TBX4: variants seen among roughly 807,000 people sequenced by gnomAD.
TBX4 encodes T-box transcription factor TBX4.
A neutral mutation model predicts 54.6 loss-of-function variants in TBX4; 13 were observed. The observed-to-expected ratio is 0.24, with a 90% CI of 0.15 to 0.38. The LOEUF (loss-of-function observed/expected upper bound fraction) is 0.38, where lower values mean the gene tolerates loss of function less well. Among genes scored for constraint, TBX4 ranks in the 10% least tolerant of loss-of-function variants. The pLI, the probability that TBX4 is intolerant of heterozygous loss-of-function variation, is 1.00. For missense variants in TBX4, 631 were observed against 728.5 expected, an observed-to-expected ratio of 0.87 and a Z score of 1.54; for synonymous variants, 314 against 306.7, an observed-to-expected ratio of 1.02 and a Z score of -0.25.
Position 61,478,255 on chromosome 17 carries a change from G to A in TBX4, c.550-372G>A, listed in dbSNP as rs2060636641. ...GTCTGAGATCAAACAGTGACTCGGT[G>A]GCACCCTGGACTTTTGCTGACAGCT... On this transcript the variant is annotated intron_variant, in intron 5 of 8. Transcript: ENST00000644296. This position sits in a 1 kb window ranked among gnomAD's most constrained non-coding sequence, Gnocchi z 7.4. 2 of 324,166 alleles carry A rather than the reference G, an allele frequency of 6.2e-6. No homozygotes were observed. The highest frequency in any genetic ancestry group is 4.3e-5 in the African/African-American group (2 of 47,006). The allele number at this position is 324,166 out of a possible 1,614,324, so 20.1% of individuals were successfully genotyped here. A position where few individuals can be genotyped will look rare whatever the true frequency, so the allele number is the denominator to read the frequency against.
In TBX4 at chr17:61,465,688, C is replaced by T. The variant is rs995329733; in HGVS notation, c.282-131C>T. ...GAAGTGAGTTGTGCAGGTCACACAGCTGTGACCAATGCCAGGATCGCTGGC... is the reference window on the plus strand; with the variant it reads ...GAAGTGAGTTGTGCAGGTCACACAGTTGTGACCAATGCCAGGATCGCTGGC... On this transcript the variant is annotated intron_variant, in intron 3 of 8. Coordinates refer to ENST00000644296, the MANE Select transcript of TBX4 (RefSeq NM_001321120.2). This position sits in a 1 kb window ranked among gnomAD's most constrained non-coding sequence, Gnocchi z 4.9. The T allele has an allele frequency of 1.6e-5, 19 of 1,208,320 alleles. No individual in the cohort carries two copies. The highest frequency in any genetic ancestry group is 1.6e-5 in the Non-Finnish European group (13 of 829,050). The allele number at this position is 1,208,320 out of a possible 1,614,324, so 74.8% of individuals were successfully genotyped here.
intron 3 of TBX4, among the ~76,000 whole-genome samples, chr17:61,458,959 T>C (rs967104759): frequency 6.6e-6 from 1 of 152,252 alleles, no homozygotes; most frequent in Admixed American, 6.5e-5. Flanking sequence ...GCAGGCCTTA[T>C]AAAGTTTCCT....
intron 4 of TBX4, 48 bp from the exon 5 acceptor site, chr17:61,467,462 T>C: frequency 6.2e-7 from 1 of 1,613,798 alleles, no homozygotes; most frequent in Non-Finnish European, 8.5e-7. Flanking sequence ...GAATCTGGCC[T>C]CACCAGCCCC....
chr17:61,478,660 C>A lies in TBX4; in HGVS notation c.583C>A (p.Arg195=), dbSNP rs1207464008. 2 of 1,614,186 alleles carry A rather than the reference C, an allele frequency of 1.2e-6. No individual in the cohort carries two copies. Among genetic ancestry groups the A allele is most frequent in the Non-Finnish European group, 1.7e-6 (2 of 1,180,028 alleles). The change falls in exon 6 of 9, where the codon CGG becomes AGG. Residue 195 remains arginine (R), a synonymous_variant. Transcript: ENST00000644296. The surrounding 1 kb of genome is among the most constrained non-coding windows in gnomAD (Gnocchi z 7.4). Reference sequence around the variant, plus strand: ...CAACTCTATGCACAAGTACCAGCCGCGGCTCCACATCGTTAAGGCTGATGA... The same window carrying A: ...CAACTCTATGCACAAGTACCAGCCGAGGCTCCACATCGTTAAGGCTGATGA... ...ILNSMHKYQP[R]LHIVKADENN...
Position 61,475,999 on chromosome 17 carries a change from G to A in TBX4, c.550-2628G>A, listed in dbSNP as rs1020145393. ...GCAAAGACCAGAGAGGAGGGGACTT[G>A]CCCACGTTCCCACGGAGGGTTTGTG... On this transcript the variant is annotated intron_variant, in intron 5 of 8. Transcript: ENST00000644296. This position sits in a 1 kb window ranked among gnomAD's most constrained non-coding sequence, Gnocchi z 5.0. 6.6e-6 allele frequency among the ~76,000 whole-genome samples: 1 copy of A among 152,120 alleles called. No individual in the cohort carries two copies. The highest frequency in any genetic ancestry group is 2.4e-5 in the African/African-American group (1 of 41,424).
At position 61,481,076 on chromosome 17, in the gene TBX4, G is replaced by A. The variant is rs143221808; in HGVS notation, c.1021+757G>A. 2.6e-3 allele frequency among the ~76,000 whole-genome samples: 393 copies of A among 152,226 alleles called. 5 individuals are homozygous for A. The highest frequency in any genetic ancestry group is 8.7e-3 in the African/African-American group (360 of 41,526). On this transcript the variant is annotated intron_variant, in intron 8 of 8. Coordinates refer to ENST00000644296, the MANE Select transcript of TBX4 (RefSeq NM_001321120.2). This position sits in a 1 kb window ranked among gnomAD's most constrained non-coding sequence, Gnocchi z 4.8. ...ATGTTCCCTCAGCCCTGGTCCTAGG[G>A]ACTAGCCCAGCAGAGCTCCGAGATC...
chr17:61,478,776 C>T lies in TBX4; in HGVS notation c.699C>T (p.His233=), dbSNP rs758160320. The change falls in exon 6 of 9, where the codon CAC becomes CAT. Residue 233 remains histidine, a synonymous_variant. Coordinates refer to ENST00000644296, the MANE Select transcript of TBX4 (RefSeq NM_001321120.2). The surrounding 1 kb of genome is among the most constrained non-coding windows in gnomAD (Gnocchi z 7.4). Reference sequence around the variant, plus strand: ...TCTCTGTGACCTCCTACCAGAATCACAAGGTACAGCCACTGCCCCACTGCC... The same window carrying T: ...TCTCTGTGACCTCCTACCAGAATCATAAGGTACAGCCACTGCCCCACTGCC... ...SFISVTSYQN[H]KITQLKIENN... The T allele has an allele frequency of 8.7e-6, 14 of 1,614,076 alleles. No homozygotes were observed. The highest frequency in any genetic ancestry group is 1.2e-5 in the Non-Finnish European group (14 of 1,180,030).
At position 61,483,712 on chromosome 17, in the gene TBX4, T is replaced by C. The variant is rs2060684451; in HGVS notation, c.*196T>C. The stretch of plus-strand genomic sequence containing the variant: ...ATCTTCTGACATACAACTGAGGTCA[T>C]GACAAGGAAAAAAAACACCACATTT... On this transcript the variant is annotated 3_prime_UTR_variant, in exon 9 of 9. Transcript: ENST00000644296. The surrounding 1 kb of genome is among the most constrained non-coding windows in gnomAD (Gnocchi z 6.6). The C allele has an allele frequency of 1.4e-6, 1 of 723,662 alleles. No homozygotes were observed. Among genetic ancestry groups the C allele is most frequent in the Admixed American group, 2.6e-5 (1 of 38,090 alleles). 44.8% of individuals were successfully genotyped at this position (723,662 alleles called of 1,614,324 possible).
rs2060689913 is a variant in TBX4, at chr17:61,484,606, T to G, written c.*1090T>G. On this transcript the variant is annotated 3_prime_UTR_variant, in exon 9 of 9. Transcript: ENST00000644296. The surrounding 1 kb of genome is among the most constrained non-coding windows in gnomAD (Gnocchi z 4.1). ...CAGAGGAGCAAAGAGAATTCTCCAG[T>G]GTGGCGCTCACAAAGTCCTCAGCCC... 6.6e-6 allele frequency: 1 copy of G among 152,122 alleles called. No homozygotes were observed. 9.4% of individuals were successfully genotyped at this position (152,122 alleles called of 1,614,324 possible). A position where few individuals can be genotyped will look rare whatever the true frequency, so the allele number is the denominator to read the frequency against.
At position 61,475,181 on chromosome 17, in the gene TBX4, C is replaced by A. The variant is rs950646472; in HGVS notation, c.550-3446C>A. Among the ~76,000 whole-genome samples the A allele has an allele frequency of 6.6e-5, 10 of 152,218 alleles. No homozygotes were observed. Among genetic ancestry groups the A allele is most frequent in the Admixed American group, 2.6e-4 (4 of 15,290 alleles). On this transcript the variant is annotated intron_variant, in intron 5 of 8. Transcript: ENST00000644296. This position sits in a 1 kb window ranked among gnomAD's most constrained non-coding sequence, Gnocchi z 5.0. ...TGTGAGCCTGGCTGGTTCCCTGCCTCGGAAGATGTGTTGGGCACTCTCTCC... is the reference window on the plus strand; with the variant it reads ...TGTGAGCCTGGCTGGTTCCCTGCCTAGGAAGATGTGTTGGGCACTCTCTCC...
chr17:61,466,031 C>A (rs916061254), intron 4 of TBX4, 93 bp downstream of exon 4: 1 of 1,583,180 alleles, frequency 6.3e-7, no homozygotes, highest in Admixed American at 1.7e-5. Context: ...TTCTTAGCTA[C>A]CTGAGTGACT....
rs58246885 is a variant in TBX4 at position 61,458,840 on chromosome 17, C to T, written c.281+1209C>T. ...TTCTTCTACTTTTTAGAGAACTCAG[C>T]TCTGCTGAACCACTTAGTGAATGAT... On this transcript the variant is annotated intron_variant, in intron 3 of 8. Coordinates refer to ENST00000644296, the MANE Select transcript of TBX4 (RefSeq NM_001321120.2). Among the ~76,000 whole-genome samples the T allele has an allele frequency of 2.0e-3, 312 of 152,364 alleles. 1 individual carries two copies. Among genetic ancestry groups the T allele is most frequent in the African/African-American group, 7.1e-3 (296 of 41,582 alleles).
rs2060492931 is a variant in TBX4, at chr17:61,461,354, G to C, written c.281+3723G>C. On this transcript the variant is annotated intron_variant, in intron 3 of 8. Transcript: ENST00000644296. This position sits in a 1 kb window ranked among gnomAD's most constrained non-coding sequence, Gnocchi z 5.1. ...ATCAGAACTCACTTGGCTACAGAAG[G>C]CTTGGTCTCAGTGTAGGTGGCACCA... Among the ~76,000 whole-genome samples, 1 of 152,176 alleles carries C rather than the reference G, an allele frequency of 6.6e-6. No individual in the cohort carries two copies. The highest frequency in any genetic ancestry group is 6.5e-5 in the Admixed American group (1 of 15,278).
Position 61,483,223 on chromosome 17 carries a change from A to T in TBX4, c.1348A>T (p.Thr450Ser). 1 of 1,614,102 alleles carries T rather than the reference A, an allele frequency of 6.2e-7. No individual in the cohort carries two copies. The highest frequency in any genetic ancestry group is 8.5e-7 in the Non-Finnish European group (1 of 1,180,014). Residue 450 changes from threonine (T) to serine (S), a missense_variant, in exon 9 of 9, where the codon ACC becomes TCC. Thr to Ser is a moderately conservative substitution (Grantham distance 58, BLOSUM62 1). Transcript: ENST00000644296. This position sits in a 1 kb window ranked among gnomAD's most constrained non-coding sequence, Gnocchi z 6.6. Reference protein sequence around the residue: ...YQPFPTHFTATTMMPRLPTLS... With the variant: ...YQPFPTHFTASTMMPRLPTLS... ...GCCCTTCCCCACGCACTTCACCGCC[A>T]CCACCATGATGCCGCGGCTGCCCAC...
rs112008276 is a variant in TBX4 at position 61,480,394 on chromosome 17, G to GCCC, written c.1021+84_1021+86dup. ...GTTCTCCCCGAAACCACTCTGCAGCGCCCCCCCCCCCAACACACACACACT... is the reference window on the plus strand; with the variant it reads ...GTTCTCCCCGAAACCACTCTGCAGCGCCCCCCCCCCCCCCAACACACACACACT... On this transcript the variant is annotated intron_variant, in intron 8 of 8. Coordinates refer to ENST00000644296, the MANE Select transcript of TBX4 (RefSeq NM_001321120.2). The surrounding 1 kb of genome is among the most constrained non-coding windows in gnomAD (Gnocchi z 6.2). The GCCC allele has an allele frequency of 7.4e-4, 692 of 936,496 alleles. 6 individuals are homozygous for GCCC. In the African/African-American group the frequency reaches 0.011, roughly 15 times the overall value. The allele number at this position is 936,496 out of a possible 1,614,324, so 58.0% of individuals were successfully genotyped here.
At position 61,462,759 on chromosome 17, in the gene TBX4, T is replaced by A. The variant is rs2143812604; in HGVS notation, c.282-3060T>A. 6.6e-6 allele frequency: 1 copy of A among 152,256 alleles called. No individual in the cohort carries two copies. The highest frequency in any genetic ancestry group is 2.4e-5 in the African/African-American group (1 of 41,530). The allele number at this position is 152,256 out of a possible 1,614,324, so 9.4% of individuals were successfully genotyped here. ...AGGCGTTGCTTTCCACCGTAGGGTG[T>A]TGGTTTTCAGGTACATTCTATGTCA... On this transcript the variant is annotated intron_variant, in intron 3 of 8. Transcript: ENST00000644296. This position sits in a 1 kb window ranked among gnomAD's most constrained non-coding sequence, Gnocchi z 4.5.
In TBX4 at chr17:61,484,301, A is replaced by G. The variant is rs1387948159; in HGVS notation, c.*785A>G. The G allele has an allele frequency of 6.6e-6, 1 of 152,106 alleles. No individual in the cohort carries two copies. The highest frequency in any genetic ancestry group is 1.5e-5 in the Non-Finnish European group (1 of 68,054). The allele number at this position is 152,106 out of a possible 1,614,324, so 9.4% of individuals were successfully genotyped here. Reference sequence around the variant, plus strand: ...TCATTCAGATTTTGTAATAAAGTACAGAGCCCTTCCCCCTAGGTCCCCAAC... The same window carrying G: ...TCATTCAGATTTTGTAATAAAGTACGGAGCCCTTCCCCCTAGGTCCCCAAC... On this transcript the variant is annotated 3_prime_UTR_variant, in exon 9 of 9. Coordinates refer to ENST00000644296, the MANE Select transcript of TBX4 (RefSeq NM_001321120.2). This position sits in a 1 kb window ranked among gnomAD's most constrained non-coding sequence, Gnocchi z 4.1.
At position 61,483,123 on chromosome 17, in the gene TBX4, G is replaced by T. The variant is rs768262582; in HGVS notation, c.1248G>T (p.Leu416=). 1 of 1,614,120 alleles carries T rather than the reference G, an allele frequency of 6.2e-7. No homozygotes were observed. Among genetic ancestry groups the T allele is most frequent in the Non-Finnish European group, 8.5e-7 (1 of 1,180,024 alleles). ...TGGACGACCTGCCCCCACCTCCGCTGAGCTGTAACATGTGGACTTCAGTGT... is the reference window on the plus strand; with the variant it reads ...TGGACGACCTGCCCCCACCTCCGCTTAGCTGTAACATGTGGACTTCAGTGT... ...SGVDDLPPPP[L]SCNMWTSVSP... is the part of the protein sequence containing the mutation. Residue 416 remains leucine, a synonymous_variant, in exon 9 of 9, where the codon CTG becomes CTT. Transcript: ENST00000644296. This position sits in a 1 kb window ranked among gnomAD's most constrained non-coding sequence, Gnocchi z 6.6.
Position 61,459,694 on chromosome 17 carries a change from G to C in TBX4, c.281+2063G>C, listed in dbSNP as rs527955999. On this transcript the variant is annotated intron_variant, in intron 3 of 8. Transcript: ENST00000644296. The surrounding 1 kb of genome is among the most constrained non-coding windows in gnomAD (Gnocchi z 4.8). ...TGTGCTTGATCCTAGTTGAGGCTTA[G>C]AGATGGACCTTAGGGAATTATGATA... Among the ~76,000 whole-genome samples, 5 of 152,206 alleles carry C rather than the reference G, an allele frequency of 3.3e-5. No individual in the cohort carries two copies. Among genetic ancestry groups the C allele is most frequent in the East Asian group, 1.9e-4 (1 of 5,198 alleles).
Sources: allele counts gnomAD v4.1 joint callset (sites outside exome capture counted in the v4.1 genomes callset), GRCh38; gene constraint gnomAD v4.1.1; non-coding constraint Gnocchi (gnomAD v3.1); transcripts MANE v1.5; gene names NCBI Gene and HGNC (gene_info 2026-07-23, HGNC 2026-07-21).